Variants in TNXB observed in about 807,000 individuals in gnomAD.
TNXB encodes the protein tenascin XB.
TNXB carries 183 observed loss-of-function variants against 340.5 expected under a neutral mutation model. The observed-to-expected ratio is 0.54, with a 90% CI of 0.48 to 0.61. TNXB has a LOEUF of 0.61. TNXB is among the 20% of genes least tolerant of loss of function. The pLI is 0.00. For missense variants in TNXB, 4,613 were observed against 5,446.4 expected, an observed-to-expected ratio of 0.85 and a Z score of 4.82; for synonymous variants, 2,121 against 2,314.5, an observed-to-expected ratio of 0.92 and a Z score of 2.40.
In TNXB at chr6:32,084,628, G is replaced by T. The variant is rs1779665944; in HGVS notation, c.3230C>A (p.Ser1077Tyr). The change falls in exon 8 of 44, where the codon TCC becomes TAC. Residue 1077 changes from serine to tyrosine, a missense_variant. Transcript: ENST00000644971. The surrounding 1 kb of genome is among the most constrained non-coding windows in gnomAD (Gnocchi z 5.5). The stretch of plus-strand genomic sequence containing the variant: ...GGGGACCGTCCAGCGCAGGAGCAAG[G>T]AGTCGGAGGTCCTGTCTGTCACCGT... ...ELTVTDRTSDSLLLRWTVPEG... is the reference protein window; with the variant it reads ...ELTVTDRTSDYLLLRWTVPEG... The T allele has an allele frequency of 6.2e-7, 1 of 1,602,854 alleles. No homozygotes were observed. The highest frequency in any genetic ancestry group is 8.5e-7 in the Non-Finnish European group (1 of 1,175,300).
In TNXB at chr6:32,062,364, G is replaced by A; in HGVS notation, c.6961C>T (p.Leu2321=). 1 of 1,613,532 alleles carries A rather than the reference G, an allele frequency of 6.2e-7. No homozygotes were observed. Among genetic ancestry groups the A allele is most frequent in the Non-Finnish European group, 8.5e-7 (1 of 1,179,894 alleles). ...VTDATPDSLS[L]SWTVPEGQFD... is the part of the protein sequence containing the mutation. ...TGTCCCTCGGGAACCGTCCAGGACAGGCTGAGGGAGTCAGGGGTCGCATCT... is the reference window on the plus strand; with the variant it reads ...TGTCCCTCGGGAACCGTCCAGGACAAGCTGAGGGAGTCAGGGGTCGCATCT... Residue 2321 remains leucine (L), a synonymous_variant, in exon 20 of 44, where the codon CTG becomes TTG. Coordinates refer to ENST00000644971, the MANE Select transcript of TNXB (RefSeq NM_001365276.2). The surrounding 1 kb of genome is among the most constrained non-coding windows in gnomAD (Gnocchi z 4.3).
At position 32,052,763 on chromosome 6, in the gene TNXB, C is replaced by T. The variant is rs1332136580; in HGVS notation, c.9022G>A (p.Gly3008Arg). 1 of 1,613,732 alleles carries T rather than the reference C, an allele frequency of 6.2e-7. No homozygotes were observed. Among genetic ancestry groups the T allele is most frequent in the Non-Finnish European group, 8.5e-7 (1 of 1,179,850 alleles). The change falls in exon 26 of 44, where the codon GGG becomes AGG. Residue 3008 changes from glycine to arginine, a missense_variant. Gly to Arg is a moderately radical substitution (Grantham distance 125). Transcript: ENST00000644971. The surrounding 1 kb of genome is among the most constrained non-coding windows in gnomAD (Gnocchi z 4.7). ...TATTTGCACCCGGGCTCCAGGCCCC[C>T]CACGGTGACCTCGCTCTCCTCGCCC... ...VRGEESEVTV[G>R]GLEPGCKYKM...
Position 32,050,072 on chromosome 6 carries a change from T to C in TNXB, c.9365A>G (p.His3122Arg). The C allele has an allele frequency of 1.2e-6, 2 of 1,613,782 alleles. No homozygotes were observed. Residue 3122 changes from histidine (H) to arginine (R), a missense_variant, in exon 27 of 44, where the codon CAT becomes CGT. Physicochemically the swap from His to Arg is conservative, Grantham distance 29 (BLOSUM62 0). Coordinates refer to ENST00000644971, the MANE Select transcript of TNXB (RefSeq NM_001365276.2). ...GVTISGLEPD[H>R]KYKMNLYGFH... The stretch of plus-strand genomic sequence containing the variant: ...GCCGTACAGGTTCATCTTGTATTTA[T>C]GGTCTGGCTCCAGGCCTGAGATGGT...
At position 32,058,126 on chromosome 6, in the gene TNXB, T is replaced by A; in HGVS notation, c.7757A>T (p.Tyr2586Phe). ...GTGGAGGCCGTACAGGTGCATCTTG[T>A]ACTTGCGCCCAGGCTCCAGGCCCCT... ...TVRGLEPGRKYKMHLYGLHEG... is the reference protein window; with the variant it reads ...TVRGLEPGRKFKMHLYGLHEG... Residue 2586 changes from tyrosine (Y) to phenylalanine (F), a missense_variant, in exon 22 of 44, where the codon TAC becomes TTC. Tyr to Phe is a conservative substitution (Grantham distance 22). Coordinates refer to ENST00000644971, the MANE Select transcript of TNXB (RefSeq NM_001365276.2). This position sits in a 1 kb window ranked among gnomAD's most constrained non-coding sequence, Gnocchi z 5.1. 2 of 1,612,804 alleles carry A rather than the reference T, an allele frequency of 1.2e-6. No homozygotes were observed. Among genetic ancestry groups the A allele is most frequent in the Non-Finnish European group, 1.7e-6 (2 of 1,179,828 alleles).
rs568426554 is a variant in TNXB at position 32,074,347 on chromosome 6, C to T, written c.4376-395G>A. Among the ~76,000 whole-genome samples the T allele has an allele frequency of 2.0e-5, 3 of 152,244 alleles. No individual in the cohort carries two copies. The highest frequency in any genetic ancestry group is 4.2e-4 in the South Asian group (2 of 4,818). ...CGATGTCTGTTGCATTTGTGGAACCCGCATGATGGTTTTGATGTAAAAGCG... is the reference window on the plus strand; with the variant it reads ...CGATGTCTGTTGCATTTGTGGAACCTGCATGATGGTTTTGATGTAAAAGCG... On this transcript the variant is annotated intron_variant, in intron 11 of 43. Transcript: ENST00000644971. This position sits in a 1 kb window ranked among gnomAD's most constrained non-coding sequence, Gnocchi z 5.5.
rs747549460 is a variant in TNXB at position 32,096,611 on chromosome 6, G to C, written c.1242C>G (p.Cys414Trp). The C allele has an allele frequency of 8.9e-6, 14 of 1,565,438 alleles. No homozygotes were observed. Among genetic ancestry groups the C allele is most frequent in the Non-Finnish European group, 1.2e-5 (14 of 1,160,266 alleles). The change falls in exon 3 of 44, where the codon TGC becomes TGG. Residue 414 changes from cysteine (C) to tryptophan (W), a missense_variant. By Grantham distance (215) the Cys-to-Trp change is radical. Transcript: ENST00000644971. ...CPGDCNQRGRCEDGRCVCWPG... is the reference protein window; with the variant it reads ...CPGDCNQRGRWEDGRCVCWPG... ...GCCAGCACACGCAGCGGCCGTCCTC[G>C]CAGCGGCCCCTTTGGTTGCAGTCGC...
chr6:32,092,690 CAAAA>C (rs33977838), intron 4 of TNXB, among the ~76,000 whole-genome samples: 1 of 136,070 alleles, frequency 7.3e-6, no homozygotes, highest in Non-Finnish European at 1.6e-5. Flanking sequence ...AACTCTGTCT[CAAAA>C]AAAAAAAAAA....
rs1554321218 is a variant in TNXB at position 32,067,132 on chromosome 6, G to GAAAGAAAGAAAGAAAGA, written c.6544+528_6544+529insTCTTTCTTTCTTTCTTT. On this transcript the variant is annotated intron_variant, in intron 18 of 43. Coordinates refer to ENST00000644971, the MANE Select transcript of TNXB (RefSeq NM_001365276.2). This position sits in a 1 kb window ranked among gnomAD's most constrained non-coding sequence, Gnocchi z 4.2. ...AAGAAAGAGAAAGAAAGAAAGGAAG[G>GAAAGAAAGAAAGAAAGA]AAGAAAGAAAGAAAGAAAGAAAGAA... Among the ~76,000 whole-genome samples, 8 of 117,996 alleles carry GAAAGAAAGAAAGAAAGA rather than the reference G, an allele frequency of 6.8e-5. No individual in the cohort carries two copies. In the Admixed American group the frequency reaches 7.4e-4, roughly 11 times the overall value. The allele number at this position is 117,996 out of a possible 152,430, so 77.4% of individuals were successfully genotyped here. A position where few individuals can be genotyped will look rare whatever the true frequency, so the allele number is the denominator to read the frequency against.
At position 32,067,775 on chromosome 6, in the gene TNXB, C is replaced by T. The variant is rs1413060979; in HGVS notation, c.6430G>A (p.Glu2144Lys). 6 of 1,613,672 alleles carry T rather than the reference C, an allele frequency of 3.7e-6. No individual in the cohort carries two copies. The highest frequency in any genetic ancestry group is 3.4e-6 in the Non-Finnish European group (4 of 1,179,868). The change falls in exon 18 of 44, where the codon GAG becomes AAG. Residue 2144 changes from glutamate to lysine, a missense_variant. This residue lies in a region of TNXB where 4,327 missense variants were observed against 4,859.4 expected (regional missense o/e 0.89). Transcript: ENST00000644971. The surrounding 1 kb of genome is among the most constrained non-coding windows in gnomAD (Gnocchi z 4.2). ...GRPQVVRVGG[E>K]ESEVTVGGLE... is the part of the protein sequence containing the mutation. Reference sequence around the variant, plus strand: ...CCCCCCACGGTGACTTCACTCTCCTCGCCCCCAACACGCACCACCTGGGGC... The same window carrying T: ...CCCCCCACGGTGACTTCACTCTCCTTGCCCCCAACACGCACCACCTGGGGC...
chr6:32,069,677 G>T lies in TNXB; in HGVS notation c.5463C>A (p.Pro1821=). The T allele has an allele frequency of 6.2e-7, 1 of 1,612,952 alleles. No homozygotes were observed. The change falls in exon 15 of 44, where the codon CCC becomes CCA. Residue 1821 remains proline, a synonymous_variant. Coordinates refer to ENST00000644971, the MANE Select transcript of TNXB (RefSeq NM_001365276.2). This position sits in a 1 kb window ranked among gnomAD's most constrained non-coding sequence, Gnocchi z 6.2. ...KDRDGQPQVV[P]VEGSLREVSV... Reference sequence around the variant, plus strand: ...TGACCTCCCTGAGGCTGCCCTCCACGGGCACCACCTGGGGCTGCCCGTCCC... The same window carrying T: ...TGACCTCCCTGAGGCTGCCCTCCACTGGCACCACCTGGGGCTGCCCGTCCC...
At chr6:32,104,643 CTTTTT>C (rs890237484) in intron 1 of TNXB, among the ~76,000 whole-genome samples, 32 of 149,470 alleles carry the variant, frequency 2.1e-4, no homozygotes, top group Non-Finnish European at 1.5e-5. Context: ...CTTTTTTTTT[CTTTTT>C]TTTTGAGACA....
At chr6:32,103,708 T>C (rs1223536436) in intron 1 of TNXB, among the ~76,000 whole-genome samples, 1 of 149,340 alleles carries the variant, frequency 6.7e-6, no homozygotes, top group Non-Finnish European at 1.5e-5. Context: ...TCAAAATCAC[T>C]AGACACAGTT....
chr6:32,050,375 G>A, intron 26 of TNXB, 54 bp from the exon 27 acceptor site: 1 of 1,590,112 alleles, frequency 6.3e-7, no homozygotes, highest in Non-Finnish European at 8.6e-7. Flanking sequence ...GTTCAGCATA[G>A]AAAGGATGTG....
At chr6:32,043,684 C>G in intron 35 of TNXB, 65 bp downstream of exon 35, 10 of 1,612,252 alleles carry the variant, frequency 6.2e-6, no homozygotes, top group Non-Finnish European at 8.5e-6. Flanking sequence ...CTCGTTCTCT[C>G]TCAACTCCCA....
rs1779279102 is a variant in TNXB, at chr6:32,079,072, C to A, written c.4336G>T (p.Gly1446Trp). The A allele has an allele frequency of 6.2e-7, 1 of 1,613,328 alleles. No homozygotes were observed. The highest frequency in any genetic ancestry group is 1.3e-5 in the African/African-American group (1 of 74,918). The stretch of plus-strand genomic sequence containing the variant: ...GCGGACACCGGGCCCACGCGCTGCC[C>A]CTCGTGGAGGCCGTACAGGTGCATC... Reference protein sequence around the residue: ...YKMHLYGLHEGQRVGPVSAVG... With the variant: ...YKMHLYGLHEWQRVGPVSAVG... The change falls in exon 11 of 44, where the codon GGG (glycine) becomes TGG (tryptophan). Residue 1446 changes from glycine to tryptophan, a missense_variant. This residue lies in a region of TNXB where 4,327 missense variants were observed against 4,859.4 expected (regional missense o/e 0.89). Coordinates refer to ENST00000644971, the MANE Select transcript of TNXB (RefSeq NM_001365276.2). The surrounding 1 kb of genome is among the most constrained non-coding windows in gnomAD (Gnocchi z 7.1).
Position 32,083,744 on chromosome 6 carries a change from C to T in TNXB, c.3445+669G>A, listed in dbSNP as rs755446145. 5.3e-5 allele frequency among the ~76,000 whole-genome samples: 8 copies of T among 152,116 alleles called. No homozygotes were observed. The highest frequency in any genetic ancestry group is 8.8e-5 in the Non-Finnish European group (6 of 68,010). ...GCACAATCATGGCTCTCTGCAGCCT[C>T]GGTCTCCTGGGCTCAAGCGATCCTC... On this transcript the variant is annotated intron_variant, in intron 8 of 43. Coordinates refer to ENST00000644971, the MANE Select transcript of TNXB (RefSeq NM_001365276.2). The surrounding 1 kb of genome is among the most constrained non-coding windows in gnomAD (Gnocchi z 4.6).
rs1297307320 is a variant in TNXB, at chr6:32,050,228, T to C, written c.9209A>G (p.Asp3070Gly). The C allele has an allele frequency of 6.2e-7, 1 of 1,613,578 alleles. No homozygotes were observed. Among genetic ancestry groups the C allele is most frequent in the Admixed American group, 1.7e-5 (1 of 60,020 alleles). The change falls in exon 27 of 44, where the codon GAT (aspartate) becomes GGT (glycine). Residue 3070 changes from aspartate to glycine, a missense_variant. Asp to Gly is a moderately conservative substitution (Grantham distance 94). This residue lies in a region of TNXB where 4,327 missense variants were observed against 4,859.4 expected (regional missense o/e 0.89). Coordinates refer to ENST00000644971, the MANE Select transcript of TNXB (RefSeq NM_001365276.2). Reference sequence around the variant, plus strand: ...CAGGCTGAGGGAGTCGGGGGTGGCATCTGTCACGGTCAGCTCCCCCAGGCG... The same window carrying C: ...CAGGCTGAGGGAGTCGGGGGTGGCACCTGTCACGGTCAGCTCCCCCAGGCG... ...KPRLGELTVT[D>G]ATPDSLSLSW...
rs750363065 is a variant in TNXB at position 32,097,760 on chromosome 6, C to T, written c.403+36G>A. ...ATGGACTAGCAATGCCCACCCCACCCCACCTCTCCACCCTCTTCTGTGATC... is the reference window on the plus strand; with the variant it reads ...ATGGACTAGCAATGCCCACCCCACCTCACCTCTCCACCCTCTTCTGTGATC... On this transcript the variant is annotated intron_variant, in intron 2 of 43. Transcript: ENST00000644971. This position sits in a 1 kb window ranked among gnomAD's most constrained non-coding sequence, Gnocchi z 5.9. 1.3e-6 allele frequency: 2 copies of T among 1,494,896 alleles called. No homozygotes were observed. Among genetic ancestry groups the T allele is most frequent in the Non-Finnish European group, 1.8e-6 (2 of 1,122,288 alleles). The allele number at this position is 1,494,896 out of a possible 1,614,324, so 92.6% of individuals were successfully genotyped here.
At position 32,079,069 on chromosome 6, in the gene TNXB, G is replaced by A. The variant is rs1562847147; in HGVS notation, c.4339C>T (p.Gln1447Ter). 1 of 1,613,252 alleles carries A rather than the reference G, an allele frequency of 6.2e-7. No homozygotes were observed. Among genetic ancestry groups the A allele is most frequent in the Non-Finnish European group, 8.5e-7 (1 of 1,179,720 alleles). The change falls in exon 11 of 44, where the codon CAG (glutamine) becomes TAG (stop). Residue 1447 changes from glutamine (Q) to a stop codon, truncating the protein, a stop_gained. Transcript: ENST00000644971. LOFTEE classifies it high-confidence loss of function. This position sits in a 1 kb window ranked among gnomAD's most constrained non-coding sequence, Gnocchi z 7.1. Reference sequence around the variant, plus strand: ...ACGGCGGACACCGGGCCCACGCGCTGCCCCTCGTGGAGGCCGTACAGGTGC... The same window carrying A: ...ACGGCGGACACCGGGCCCACGCGCTACCCCTCGTGGAGGCCGTACAGGTGC... ...KMHLYGLHEG[Q>*]RVGPVSAVGV... is the part of the protein sequence containing the mutation.
Sources: gnomAD v4.1 joint callset for allele counts (sites outside exome capture counted in the v4.1 genomes callset) on GRCh38, gnomAD v4.1.1 for gene constraint, gnomAD v4.1.1 regional missense constraint, Gnocchi (gnomAD v3.1) non-coding constraint, MANE v1.5 for transcripts, NCBI Gene and HGNC (gene_info 2026-07-23, HGNC 2026-07-21) for gene names.